Variants in NTM observed in about 807,000 individuals in gnomAD.
The protein encoded by NTM is neurotrimin.
NTM carries 13 observed loss-of-function variants against 42.1 expected under a neutral mutation model. The ratio of observed to expected loss-of-function variants is 0.31; its 90% CI spans 0.20 to 0.49. NTM has a LOEUF of 0.49. NTM is among the 20% of genes least tolerant of loss of function. The pLI, the probability that NTM is intolerant of heterozygous loss-of-function variation, is 0.99. For missense variants in NTM, 373 were observed against 452.8 expected, an observed-to-expected ratio of 0.82 and a Z score of 1.60; for synonymous variants, 187 against 179.2, an observed-to-expected ratio of 1.04 and a Z score of -0.35.
chr11:131,819,893 G>T (rs1351785905), intron 1 of NTM, among the ~76,000 whole-genome samples: 1 of 152,188 alleles, frequency 6.6e-6, no homozygotes, highest in Non-Finnish European at 1.5e-5. Flanking sequence ...CTGTGGACGT[G>T]TGGGCCGCTA....
intron 3 of NTM, among the ~76,000 whole-genome samples, chr11:132,191,126 G>A (rs1172025452): frequency 2.6e-5 from 4 of 152,164 alleles, no homozygotes; most frequent in Non-Finnish European, 4.4e-5. Flanking sequence ...CATTGTTGCA[G>A]CCCCCTACCC....
At chr11:132,033,170 G>T (rs571049595) in intron 2 of NTM, among the ~76,000 whole-genome samples, 1 of 152,316 alleles carries the variant, frequency 6.6e-6, no homozygotes, top group South Asian at 2.1e-4. Context: ...CGGGCAAGTA[G>T]CACTGCATGA....
chr11:131,584,062 G>A (rs2058645226), intron 1 of NTM, among the ~76,000 whole-genome samples: 1 of 152,162 alleles, frequency 6.6e-6, no homozygotes, highest in Admixed American at 6.5e-5. Context: ...AAAAAGAGAC[G>A]TGCTGGCATC....
chr11:131,699,686 C>T (rs2075857698), intron 1 of NTM, among the ~76,000 whole-genome samples: 2 of 152,176 alleles, frequency 1.3e-5, no homozygotes, highest in South Asian at 4.1e-4. Flanking sequence ...GCAAACGCGT[C>T]CTCCTTCACA....
rs564628263 is a variant in NTM, at chr11:131,849,929, A to G, written c.83-61635A>G. On this transcript the variant is annotated intron_variant, in intron 1 of 8. Coordinates refer to ENST00000683400, the MANE Select transcript of NTM (RefSeq NM_001352005.2). ...TGGCACATGTATACATATGTAACAA[A>G]CCTGCACTTTGTGTACATGTACCCT... is the stretch of plus-strand genomic sequence containing the variant. 4.2e-4 allele frequency among the ~76,000 whole-genome samples: 63 copies of G among 150,936 alleles called. 1 individual carries two copies. The highest frequency in any genetic ancestry group is 1.5e-3 in the African/African-American group (63 of 41,136).
chr11:131,747,114 T>C (rs2081920919), intron 1 of NTM, among the ~76,000 whole-genome samples: 1 of 152,186 alleles, frequency 6.6e-6, no homozygotes, highest in Non-Finnish European at 1.5e-5. Flanking sequence ...TTAGGAGCAA[T>C]TTATTTTTTA....
chr11:131,430,174 A>T (rs1948537650), intron 1 of NTM, among the ~76,000 whole-genome samples: 1 of 152,232 alleles, frequency 6.6e-6, no homozygotes, highest in Non-Finnish European at 1.5e-5. Flanking sequence ...AGAATTATTT[A>T]ATGAACGCTG....
At chr11:131,655,964 T>G (rs2067134668) in intron 1 of NTM, among the ~76,000 whole-genome samples, 4 of 152,074 alleles carry the variant, frequency 2.6e-5, no homozygotes, top group African/African-American at 9.7e-5. Context: ...TGGGAGGACC[T>G]CCTCCCTCAG....
intron 1 of NTM, among the ~76,000 whole-genome samples, chr11:131,874,296 C>T (rs2048278736): frequency 6.6e-6 from 1 of 151,456 alleles, no homozygotes; most frequent in African/African-American, 2.4e-5. Context: ...GGGCATGTGG[C>T]ATGCTGTGTT....
At chr11:132,141,900 A>G (rs1032608296) in intron 2 of NTM, among the ~76,000 whole-genome samples, 2 of 152,170 alleles carry the variant, frequency 1.3e-5, no homozygotes, top group Admixed American at 6.5e-5. Flanking sequence ...TGCTGATGGG[A>G]AAACCATTCA....
rs1414560881 is a variant in NTM, at chr11:131,546,317, T to G, written c.82+175429T>G. 2.0e-5 allele frequency among the ~76,000 whole-genome samples: 3 copies of G among 152,212 alleles called. No individual in the cohort carries two copies. In the East Asian group the frequency reaches 5.8e-4, roughly 29 times the overall value. ...AAATAACCCTGGATTGATTTTATCTTTCTCTTGGTCCGTGATCCTTGATAC... is the reference window on the plus strand; with the variant it reads ...AAATAACCCTGGATTGATTTTATCTGTCTCTTGGTCCGTGATCCTTGATAC... On this transcript the variant is annotated intron_variant, in intron 1 of 8. Transcript: ENST00000683400.
At chr11:131,713,064 C>T (rs775477857) in intron 1 of NTM, among the ~76,000 whole-genome samples, 7 of 152,108 alleles carry the variant, frequency 4.6e-5, no homozygotes, top group Non-Finnish European at 8.8e-5. Flanking sequence ...TTGTGTCTCA[C>T]CCTCTGCTGC....
At chr11:131,664,801 C>G in intron 1 of NTM, among the ~76,000 whole-genome samples, 1 of 100,638 alleles carries the variant, frequency 9.9e-6, no homozygotes, top group East Asian at 2.6e-4. Flanking sequence ...TTTCCTTTTT[C>G]TGGCAACATT....
chr11:131,738,362 G>T (rs1173059183), intron 1 of NTM, among the ~76,000 whole-genome samples: 1 of 152,200 alleles, frequency 6.6e-6, no homozygotes, highest in Non-Finnish European at 1.5e-5. Context: ...CACAAGAAGG[G>T]TCTCACACAT....
intron 2 of NTM, among the ~76,000 whole-genome samples, chr11:132,021,354 A>T (rs1204363664): frequency 6.6e-6 from 1 of 152,134 alleles, no homozygotes; most frequent in Non-Finnish European, 1.5e-5. Flanking sequence ...TTGAAATTTC[A>T]GCTGGTAAAT....
At position 131,386,101 on chromosome 11, in the gene NTM, A is replaced by G. The variant is rs111571612; in HGVS notation, c.82+15213A>G. ...CCATCATCAACAAATAGATAAACAC[A>G]ATGAGGTCTATGCATAAATGGGTAT... On this transcript the variant is annotated intron_variant, in intron 1 of 8. Coordinates refer to ENST00000683400, the MANE Select transcript of NTM (RefSeq NM_001352005.2). Among the ~76,000 whole-genome samples the G allele has an allele frequency of 4.5e-3, 691 of 152,342 alleles. 9 individuals carry two copies. Among genetic ancestry groups the G allele is most frequent in the African/African-American group, 0.016 (668 of 41,582 alleles).
intron 3 of NTM, among the ~76,000 whole-genome samples, chr11:132,165,044 A>G (rs1313906019): frequency 6.6e-6 from 1 of 152,102 alleles, no homozygotes; most frequent in Non-Finnish European, 1.5e-5. Flanking sequence ...CTTAGGCTAC[A>G]TGCTGTCCAG....
intron 2 of NTM, among the ~76,000 whole-genome samples, chr11:132,010,055 A>AG (rs2071761379): frequency 6.6e-6 from 1 of 152,222 alleles, no homozygotes. Flanking sequence ...TTAAGTCACT[A>AG]GATTGTAGAG....
chr11:131,994,278 G>T (rs1054690978), intron 2 of NTM, among the ~76,000 whole-genome samples: 1 of 152,076 alleles, frequency 6.6e-6, no homozygotes, highest in Non-Finnish European at 1.5e-5. Flanking sequence ...CAGTCAATGA[G>T]TAAACATTCT....
Sources: allele counts gnomAD v4.1 joint callset (sites outside exome capture counted in the v4.1 genomes callset), GRCh38; gene constraint gnomAD v4.1.1; transcripts MANE v1.5; gene names NCBI Gene and HGNC (gene_info 2026-07-23, HGNC 2026-07-21).